CDO1: variants seen among roughly 807,000 people sequenced by gnomAD.
CDO1 encodes the protein cysteine dioxygenase, type I.
Under a neutral mutation model 24.5 loss-of-function variants are expected in CDO1, and 19 were observed. The observed-to-expected ratio is 0.77, with a 90% confidence interval of 0.54 to 1.14. CDO1 has a LOEUF of 1.14. Among genes scored for constraint, CDO1 ranks in the 50% most tolerant of loss-of-function variants. The probability of loss-of-function intolerance (pLI) is 0.00; values close to 1 mark genes in which losing one functional copy is unlikely to be tolerated. For missense variants in CDO1, 244 were observed against 244.8 expected, an observed-to-expected ratio of 1.00 and a Z score of 0.02; for synonymous variants, 91 against 87.0, an observed-to-expected ratio of 1.05 and a Z score of -0.26.
chr5:115,808,875 TTTC>T (rs2112681973), intron 3 of CDO1, among the ~76,000 whole-genome samples: 1 of 152,374 alleles, frequency 6.6e-6, no homozygotes, highest in African/African-American at 2.4e-5. Context: ...GGCTTTGTGC[TTTC>T]TTCTTTATGA....
chr5:115,812,364 C>G (rs746510196), intron 2 of CDO1, among the ~76,000 whole-genome samples: 1 of 152,038 alleles, frequency 6.6e-6, no homozygotes, highest in African/African-American at 2.4e-5. Flanking sequence ...GACTGTCAAA[C>G]GTGAAACTAA....
chr5:115,806,397 G>A lies in CDO1; in HGVS notation c.525C>T (p.Asn175=). The change falls in exon 4 of 5, where the codon AAC becomes AAT. Residue 175 remains asparagine (N), a synonymous_variant. Coordinates refer to ENST00000250535, the MANE Select transcript of CDO1 (RefSeq NM_001801.3). The stretch of plus-strand genomic sequence containing the variant: ...TACTATGGAATGTCATTGTGACTTT[G>A]TTTTTATGTCCTGTTCTTTGATCAA... ...HAFDQRTGHK[N]KVTMTFHSKF... 1 of 1,608,664 alleles carries A rather than the reference G, an allele frequency of 6.2e-7. No individual in the cohort carries two copies. The highest frequency in any genetic ancestry group is 1.3e-5 in the African/African-American group (1 of 74,774).
At chr5:115,815,675 A>G (rs1157944627) in intron 1 of CDO1, among the ~76,000 whole-genome samples, 1 of 152,226 alleles carries the variant, frequency 6.6e-6, no homozygotes, top group African/African-American at 2.4e-5. Context: ...CCGAAGGCGC[A>G]GTGATGGAGA....
At chr5:115,813,069 AAAAAAT>A in intron 2 of CDO1, 106 bp downstream of exon 2, 1 of 525,518 alleles carries the variant, frequency 1.9e-6, no homozygotes, top group Non-Finnish European at 3.3e-6. Context: ...AAAAAAAAAA[AAAAAAT>A]GAGATTTGTT....
chr5:115,814,615 C>T (rs1479444067), intron 1 of CDO1: 1 of 152,226 alleles, frequency 6.6e-6, no homozygotes, highest in Non-Finnish European at 1.5e-5. Flanking sequence ...GACCGATCAA[C>T]CCAGCTGGTT....
Position 115,811,258 on chromosome 5 carries a change from T to C in CDO1, c.306A>G (p.Leu102=). 1.9e-6 allele frequency: 3 copies of C among 1,613,022 alleles called. No individual in the cohort carries two copies. The highest frequency in any genetic ancestry group is 1.1e-5 in the South Asian group (1 of 91,050). The change falls in exon 3 of 5, where the codon CTA becomes CTG. Residue 102 remains leucine, a synonymous_variant. Transcript: ENST00000250535. ...HCFLKMLQGN[L]KETLFAWPDK... The stretch of plus-strand genomic sequence containing the variant: ...CAGGCCAGGCAAATAATGTCTCCTT[T>C]AGATTTCCCTGTAGCATCTTCAGAA...
intron 3 of CDO1, among the ~76,000 whole-genome samples, chr5:115,807,385 C>T (rs1258762221): frequency 6.6e-6 from 1 of 152,176 alleles, no homozygotes; most frequent in East Asian, 1.9e-4. Flanking sequence ...TTTTTTTGTT[C>T]TTGGTTTTTA....
intron 2 of CDO1, among the ~76,000 whole-genome samples, chr5:115,812,854 C>T (rs1760247976): frequency 1.3e-5 from 2 of 151,806 alleles, no homozygotes; most frequent in African/African-American, 2.4e-5. Flanking sequence ...TCGAGACCAG[C>T]CTAACCAACA....
In CDO1 at chr5:115,806,532, G is replaced by A. The variant is rs373296506; in HGVS notation, c.404-14C>T. ...AGCCAATGGAATCTAAACAATATCC[G>A]GGAAGGAAAAATAGATAAAGGAGCC... On this transcript the variant is annotated splice_polypyrimidine_tract_variant and intron_variant, in intron 3 of 4. Transcript: ENST00000250535. The A allele has an allele frequency of 5.6e-6, 9 of 1,594,150 alleles. No homozygotes were observed. The highest frequency in any genetic ancestry group is 2.7e-5 in the African/African-American group (2 of 73,858).
rs1760467877 is a variant in CDO1 at position 115,816,617 on chromosome 5, TCG to T, written c.-222_-221del. On this transcript the variant is annotated 5_prime_UTR_variant, in exon 1 of 5. Transcript: ENST00000250535. ...CCCTGGCAGCGCAGTGGATCCGGGA[TCG>T]CTGGAGACGCGGTGCACACACAAAT... is the stretch of plus-strand genomic sequence containing the variant. 9 of 570,926 alleles carry T rather than the reference TCG, an allele frequency of 1.6e-5. No homozygotes were observed. The South Asian group carries it at 1.8e-4, about 11-fold the overall frequency. The allele number at this position is 570,926 out of a possible 1,614,324, so 35.4% of individuals were successfully genotyped here.
rs372817136 is a variant in CDO1, at chr5:115,806,576, A to G, written c.404-58T>C. On this transcript the variant is annotated intron_variant, in intron 3 of 4. Transcript: ENST00000250535. ...AGGAGCCTAGATAACAGCTGTAGGT[A>G]AAATCTCTGTGAGTCATCTGAGATC... is the stretch of plus-strand genomic sequence containing the variant. 1.4e-4 allele frequency: 176 copies of G among 1,297,588 alleles called. 1 individual carries two copies. In the East Asian group the frequency reaches 2.8e-3, roughly 21 times the overall value. The allele number at this position is 1,297,588 out of a possible 1,614,324, so 80.4% of individuals were successfully genotyped here.
At chr5:115,810,487 G>C (rs1484770054) in intron 3 of CDO1, among the ~76,000 whole-genome samples, 1 of 152,160 alleles carries the variant, frequency 6.6e-6, no homozygotes, top group East Asian at 1.9e-4. Flanking sequence ...AGTAACCTTG[G>C]ACAAATTGTT....
In CDO1 at chr5:115,816,509, A is replaced by G; in HGVS notation, c.-112T>C. ...CTAACAGCCCGCTAGACCGCTAAGC[A>G]GACACACACGCACAAACCCAGCATT... On this transcript the variant is annotated 5_prime_UTR_variant, in exon 1 of 5. Coordinates refer to ENST00000250535, the MANE Select transcript of CDO1 (RefSeq NM_001801.3). 1 of 1,162,636 alleles carries G rather than the reference A, an allele frequency of 8.6e-7. No individual in the cohort carries two copies. Among genetic ancestry groups the G allele is most frequent in the Non-Finnish European group, 1.2e-6 (1 of 803,506 alleles). 72.0% of individuals were successfully genotyped at this position (1,162,636 alleles called of 1,614,324 possible).
At chr5:115,812,745 A>G (rs1286204485) in intron 2 of CDO1, among the ~76,000 whole-genome samples, 1 of 152,096 alleles carries the variant, frequency 6.6e-6, no homozygotes, top group African/African-American at 2.4e-5. Flanking sequence ...GAACATTGTG[A>G]ACAAGTAAGT....
chr5:115,808,274 C>T (rs1285373239), intron 3 of CDO1, among the ~76,000 whole-genome samples: 9 of 152,092 alleles, frequency 5.9e-5, no homozygotes, highest in African/African-American at 1.4e-4. Flanking sequence ...TCACCACACC[C>T]GGCCAGCCCT....
intron 4 of CDO1, among the ~76,000 whole-genome samples, chr5:115,805,724 T>C (rs1440631143): frequency 6.6e-6 from 1 of 152,234 alleles, no homozygotes; most frequent in Non-Finnish European, 1.5e-5. Context: ...TGCTTTGGTC[T>C]CCATTTTCAC....
rs1291956702 is a variant in CDO1 at position 115,813,198 on chromosome 5, C to A, written c.231G>T (p.Trp77Cys). The A allele has an allele frequency of 3.8e-6, 6 of 1,596,252 alleles. No individual in the cohort carries two copies. The South Asian group carries it at 6.6e-5, about 18-fold the overall frequency. Residue 77 changes from tryptophan (W) to cysteine (C), a missense_variant, in exon 2 of 5, where the codon TGG (tryptophan) becomes TGT (cysteine). Coordinates refer to ENST00000250535, the MANE Select transcript of CDO1 (RefSeq NM_001801.3). ...NGKFNLMILCWGEGHGSSIHD... is the reference protein window; with the variant it reads ...NGKFNLMILCCGEGHGSSIHD... ...TATTTTACCTGCCATGTCCTTCACCCCAACAGAGAATCATCAGATTAAATT... is the reference window on the plus strand; with the variant it reads ...TATTTTACCTGCCATGTCCTTCACCACAACAGAGAATCATCAGATTAAATT...
Position 115,816,314 on chromosome 5 carries a change from G to T in CDO1, c.84C>A (p.Val28=). The change falls in exon 1 of 5, where the codon GTC becomes GTA. Residue 28 remains valine, a synonymous_variant. Transcript: ENST00000250535. ...ILHQLFAGDE[V]NVEEVQAIME... ...TGATGGCCTGCACCTCCTCTACATT[G>T]ACCTCATCGCCGGCAAAGAGCTGGT... 1 of 1,614,116 alleles carries T rather than the reference G, an allele frequency of 6.2e-7. No homozygotes were observed. Among genetic ancestry groups the T allele is most frequent in the South Asian group, 1.1e-5 (1 of 91,074 alleles).
intron 1 of CDO1, among the ~76,000 whole-genome samples, chr5:115,815,602 G>T (rs539929102): frequency 7.8e-4 from 119 of 152,302 alleles, no homozygotes; most frequent in African/African-American, 2.8e-3. Flanking sequence ...GGCAGCTGAC[G>T]GCCACAAGAC....
Sources: gnomAD v4.1 joint callset for allele counts (sites outside exome capture counted in the v4.1 genomes callset) on GRCh38, gnomAD v4.1.1 for gene constraint, MANE v1.5 for transcripts, NCBI Gene and HGNC (gene_info 2026-07-23, HGNC 2026-07-21) for gene names.